DRC11: variants seen among roughly 807,000 people sequenced by gnomAD.
DRC11 encodes IQ and AAA domain-containing protein 1.
chr2:236,337,810 GAAA>G, the DRC11 span, among the ~76,000 whole-genome samples: 5 of 142,830 alleles, frequency 3.5e-5, no homozygotes, highest in African/African-American at 1.3e-4. This position sits in a 1 kb window ranked among gnomAD's most constrained non-coding sequence, Gnocchi z 4.9. Context: ...GAGACTGGAA[GAAA>G]AAAAAAAAAA....
At chr2:236,502,941 C>T in the DRC11 span, among the ~76,000 whole-genome samples, 7 of 151,770 alleles carry the variant, frequency 4.6e-5, no homozygotes, top group Admixed American at 4.6e-4. Context: ...GGAAACAGAG[C>T]GAGACTCCAT....
chr2:236,488,997 T>C, the DRC11 span, among the ~76,000 whole-genome samples: 9 of 145,852 alleles, frequency 6.2e-5, no homozygotes, highest in Non-Finnish European at 1.0e-4. Flanking sequence ...TGCTGGGGCC[T>C]GTGTGGGCTC....
the DRC11 span, among the ~76,000 whole-genome samples, chr2:236,456,366 C>A: frequency 6.6e-6 from 1 of 152,180 alleles, no homozygotes; most frequent in Non-Finnish European, 1.5e-5. The surrounding 1 kb of genome is among the most constrained non-coding windows in gnomAD (Gnocchi z 5.4). Flanking sequence ...GGGATTTGAA[C>A]CCAGGCAGCC....
the DRC11 span, among the ~76,000 whole-genome samples, chr2:236,467,144 T>C: frequency 6.6e-6 from 1 of 152,344 alleles, no homozygotes; most frequent in South Asian, 2.1e-4. Context: ...TCAAAATGTA[T>C]GTAGGTGTAG....
the DRC11 span, among the ~76,000 whole-genome samples, chr2:236,396,116 G>A: frequency 6.6e-6 from 1 of 151,890 alleles, no homozygotes; most frequent in African/African-American, 2.4e-5. Flanking sequence ...TGACACTTTT[G>A]CGCAGGGCAC....
the DRC11 span, among the ~76,000 whole-genome samples, chr2:236,329,985 G>T: frequency 1.3e-5 from 2 of 152,110 alleles, no homozygotes; most frequent in Non-Finnish European, 2.9e-5. Flanking sequence ...CCACGAGAAA[G>T]GATAGGCTTC....
chr2:236,403,924 G>T, the DRC11 span, among the ~76,000 whole-genome samples: 1 of 152,074 alleles, frequency 6.6e-6, no homozygotes, highest in Non-Finnish European at 1.5e-5. Flanking sequence ...TTTACTAGGT[G>T]GTTCCCAGGT....
chr2:236,416,727 A>ATC, the DRC11 span, among the ~76,000 whole-genome samples: 1 of 25,876 alleles, frequency 3.9e-5, no homozygotes, highest in Non-Finnish European at 7.7e-5. Flanking sequence ...ATATTTATAT[A>ATC]TATATATATA....
the DRC11 span, chr2:236,408,654 A>G: frequency 2.8e-6 from 2 of 721,248 alleles, no homozygotes; most frequent in Admixed American, 1.9e-5. This position sits in a 1 kb window ranked among gnomAD's most constrained non-coding sequence, Gnocchi z 5.5. Flanking sequence ...CTTGCCATCC[A>G]TATTCTGCCA....
the DRC11 span, among the ~76,000 whole-genome samples, chr2:236,418,434 T>A: frequency 6.6e-6 from 1 of 152,242 alleles, no homozygotes; most frequent in Admixed American, 6.5e-5. Flanking sequence ...TGAAGTGGTA[T>A]CTGACTGCAA....
At chr2:236,363,177 C>A in the DRC11 span, among the ~76,000 whole-genome samples, 1 of 152,138 alleles carries the variant, frequency 6.6e-6, no homozygotes, top group Non-Finnish European at 1.5e-5. This position sits in a 1 kb window ranked among gnomAD's most constrained non-coding sequence, Gnocchi z 5.6. Flanking sequence ...TTTTGTAAAG[C>A]CTTGATACTA....
the DRC11 span, among the ~76,000 whole-genome samples, chr2:236,448,558 A>T: frequency 5.3e-5 from 8 of 151,688 alleles, no homozygotes; most frequent in African/African-American, 1.9e-4. This position sits in a 1 kb window ranked among gnomAD's most constrained non-coding sequence, Gnocchi z 5.3. Context: ...CTGGTCTCGA[A>T]CTCCTGAGCT....
At chr2:236,478,195 T>C in the DRC11 span, among the ~76,000 whole-genome samples, 3 of 152,166 alleles carry the variant, frequency 2.0e-5, no homozygotes, top group African/African-American at 7.2e-5. This position sits in a 1 kb window ranked among gnomAD's most constrained non-coding sequence, Gnocchi z 5.9. Context: ...CTATAAACAT[T>C]TCCCTTAGTG....
At chr2:236,342,812 A>C in the DRC11 span, among the ~76,000 whole-genome samples, 3 of 152,142 alleles carry the variant, frequency 2.0e-5, no homozygotes, top group Non-Finnish European at 2.9e-5. This position sits in a 1 kb window ranked among gnomAD's most constrained non-coding sequence, Gnocchi z 5.8. Context: ...GCAGATGCTC[A>C]GGAAGCCAGG....
chr2:236,477,397 G>A, the DRC11 span, among the ~76,000 whole-genome samples: 22 of 152,206 alleles, frequency 1.4e-4, 1 homozygote, highest in African/African-American at 4.6e-4. Context: ...CTAAGTAGAA[G>A]TGCATCATCA....
chr2:236,406,542 TG>T, the DRC11 span, among the ~76,000 whole-genome samples: 1 of 151,946 alleles, frequency 6.6e-6, no homozygotes, highest in East Asian at 1.9e-4. This position sits in a 1 kb window ranked among gnomAD's most constrained non-coding sequence, Gnocchi z 4.7. Context: ...TATCCTGGGG[TG>T]GGGGAGAGGT....
At chr2:236,459,170 C>A in the DRC11 span, among the ~76,000 whole-genome samples, 1 of 151,842 alleles carries the variant, frequency 6.6e-6, no homozygotes, top group Non-Finnish European at 1.5e-5. Flanking sequence ...AAAAAACACC[C>A]AAAAGGGAAG....
chr2:236,390,675 G>T, the DRC11 span, among the ~76,000 whole-genome samples: 1 of 151,904 alleles, frequency 6.6e-6, no homozygotes, highest in African/African-American at 2.4e-5. This position sits in a 1 kb window ranked among gnomAD's most constrained non-coding sequence, Gnocchi z 5.9. Context: ...GCAGCACAAT[G>T]GTTGCAGTAA....
the DRC11 span, among the ~76,000 whole-genome samples, chr2:236,345,648 C>T: frequency 3.9e-5 from 6 of 152,102 alleles, no homozygotes; most frequent in East Asian, 1.9e-4. Flanking sequence ...CAGGGCCTCG[C>T]GACAGAGCTG....
Sources: gnomAD v4.1 joint callset for allele counts (sites outside exome capture counted in the v4.1 genomes callset) on GRCh38, gnomAD v4.1.1 for gene constraint, Gnocchi (gnomAD v3.1) non-coding constraint, MANE v1.5 for transcripts, NCBI Gene and HGNC (gene_info 2026-07-23, HGNC 2026-07-21) for gene names.